SGMS1: variants seen among roughly 807,000 people sequenced by gnomAD.
SGMS1 encodes phosphatidylcholine:ceramide cholinephosphotransferase 1.
Under a neutral mutation model 46.2 loss-of-function variants are expected in SGMS1, and 13 were observed. The ratio of observed to expected loss-of-function variants is 0.28; its 90% confidence interval spans 0.18 to 0.45. The LOEUF (loss-of-function observed/expected upper bound fraction) is 0.45. Among genes scored for constraint, SGMS1 ranks in the 20% least tolerant of loss-of-function variants. SGMS1 has a pLI of 1.00. For missense variants in SGMS1, 324 were observed against 519.9 expected (o/e 0.62, Z 3.66); for synonymous variants, 203 against 187.8 (o/e 1.08, Z -0.66).
chr10:50,421,596 AAC>A (rs1849255054), intron 6 of SGMS1, among the ~76,000 whole-genome samples: 1 of 152,164 alleles, frequency 6.6e-6, no homozygotes. Context: ...GACCTCCTGG[AAC>A]TAGCACCTGC....
chr10:50,563,142 G>C (rs747945949), intron 2 of SGMS1, among the ~76,000 whole-genome samples: 1 of 152,178 alleles, frequency 6.6e-6, no homozygotes, highest in Non-Finnish European at 1.5e-5. Flanking sequence ...CTTCCTGTTA[G>C]GCACTCTGCA....
At chr10:50,470,735 CA>C (rs1202586924) in intron 3 of SGMS1, among the ~76,000 whole-genome samples, 4 of 152,080 alleles carry the variant, frequency 2.6e-5, no homozygotes, top group Non-Finnish European at 5.9e-5. Context: ...CCTCAATTTA[CA>C]GCCAAGCATG....
rs76263175 is a variant in SGMS1 at position 50,395,087 on chromosome 10, C to T, written c.-232+38389G>A. 4.2e-3 allele frequency among the ~76,000 whole-genome samples: 645 copies of T among 152,248 alleles called. 15 individuals are homozygous for T. The East Asian group carries it at 0.06, about 14-fold the overall frequency. On this transcript the variant is annotated intron_variant, in intron 6 of 10. Coordinates refer to ENST00000361781, the MANE Select transcript of SGMS1 (RefSeq NM_147156.4). Reference sequence around the variant, plus strand: ...CTTGTCCCTTTAACAAGAGCAACATCAAGCCCCTGAGGGTGATAAATCAAT... The same window carrying T: ...CTTGTCCCTTTAACAAGAGCAACATTAAGCCCCTGAGGGTGATAAATCAAT...
chr10:50,454,011 A>T (rs1040257226), intron 5 of SGMS1, among the ~76,000 whole-genome samples: 1 of 145,166 alleles, frequency 6.9e-6, no homozygotes, highest in Admixed American at 7.3e-5. Flanking sequence ...AGAAGAGATG[A>T]TCTATTCATA....
intron 3 of SGMS1, among the ~76,000 whole-genome samples, chr10:50,487,135 C>A (rs1837527737): frequency 6.6e-6 from 1 of 152,034 alleles, no homozygotes; most frequent in Non-Finnish European, 1.5e-5. Flanking sequence ...TAGTGGGGAA[C>A]AACAGACACC....
chr10:50,604,570 C>T (rs1334869581), intron 1 of SGMS1, among the ~76,000 whole-genome samples: 1 of 152,166 alleles, frequency 6.6e-6, no homozygotes, highest in African/African-American at 2.4e-5. Context: ...TTGATTACAT[C>T]TTGCATGCTG....
At chr10:50,611,527 G>A (rs767367689) in intron 1 of SGMS1, among the ~76,000 whole-genome samples, 1 of 152,134 alleles carries the variant, frequency 6.6e-6, no homozygotes, top group Non-Finnish European at 1.5e-5. Context: ...TCTTACAAAT[G>A]GCTCAGAAAT....
At chr10:50,383,098 T>C (rs1848631399) in intron 6 of SGMS1, among the ~76,000 whole-genome samples, 1 of 152,212 alleles carries the variant, frequency 6.6e-6, no homozygotes, top group South Asian at 2.1e-4. Flanking sequence ...AAAGACTTTA[T>C]AAGATTATCA....
chr10:50,512,159 A>G (rs1837761735), intron 3 of SGMS1, among the ~76,000 whole-genome samples: 1 of 152,184 alleles, frequency 6.6e-6, no homozygotes, highest in South Asian at 2.1e-4. Context: ...AGCATACCAC[A>G]GAGTAGCTGA....
At chr10:50,580,695 G>A (rs1199667577) in intron 2 of SGMS1, among the ~76,000 whole-genome samples, 1 of 152,144 alleles carries the variant, frequency 6.6e-6, no homozygotes, top group Non-Finnish European at 1.5e-5. Context: ...CCTAGACAAA[G>A]TATGCGAAGT....
chr10:50,399,294 A>C (rs980647187), intron 6 of SGMS1, among the ~76,000 whole-genome samples: 1 of 152,206 alleles, frequency 6.6e-6, no homozygotes, highest in Non-Finnish European at 1.5e-5. Context: ...TAATAATCTG[A>C]ATTTCAAAAC....
intron 2 of SGMS1, among the ~76,000 whole-genome samples, chr10:50,542,546 A>G (rs1838062776): frequency 3.3e-5 from 5 of 151,844 alleles, no homozygotes; most frequent in Middle Eastern, 6.8e-3. Context: ...TATGAATAAC[A>G]TAAGTCCAAA....
At chr10:50,503,476 A>G (rs931673262) in intron 3 of SGMS1, among the ~76,000 whole-genome samples, 5 of 152,022 alleles carry the variant, frequency 3.3e-5, no homozygotes, top group Admixed American at 1.3e-4. Flanking sequence ...CAGGCTCTAA[A>G]GCTCCCCTAC....
chr10:50,346,274 T>G (rs1446356824), intron 6 of SGMS1, among the ~76,000 whole-genome samples: 1 of 152,216 alleles, frequency 6.6e-6, no homozygotes, highest in African/African-American at 2.4e-5. Flanking sequence ...TTCAGATGGG[T>G]CTTTGGGTAC....
intron 2 of SGMS1, among the ~76,000 whole-genome samples, chr10:50,589,850 T>C (rs1324136049): frequency 6.6e-6 from 1 of 152,230 alleles, no homozygotes; most frequent in Non-Finnish European, 1.5e-5. Context: ...AGTACAAAAC[T>C]ATAAATTTAA....
At chr10:50,387,672 T>A (rs559655812) in intron 6 of SGMS1, among the ~76,000 whole-genome samples, 7 of 152,330 alleles carry the variant, frequency 4.6e-5, no homozygotes, top group African/African-American at 1.7e-4. Context: ...GGCAGATTCA[T>A]AGGTATTGTA....
chr10:50,624,654 G>C (rs1838901488), upstream of SGMS1: 3 of 985,346 alleles, frequency 3.0e-6, no homozygotes, highest in Non-Finnish European at 3.6e-6. Context: ...AGAGCGGCTA[G>C]GCCGGGGTCG....
chr10:50,604,699 G>A (rs1396600282), intron 1 of SGMS1, among the ~76,000 whole-genome samples: 1 of 152,092 alleles, frequency 6.6e-6, no homozygotes, highest in African/African-American at 2.4e-5. Flanking sequence ...CTTTGTTCCA[G>A]AGGTCACCTA....
intron 2 of SGMS1, among the ~76,000 whole-genome samples, chr10:50,547,745 A>C (rs1564429042): frequency 6.6e-6 from 1 of 152,202 alleles, no homozygotes; most frequent in Non-Finnish European, 1.5e-5. Context: ...ACAAAAAAAG[A>C]AACCTTCAGG....
Sources: gnomAD v4.1 joint callset for allele counts (sites outside exome capture counted in the v4.1 genomes callset) on GRCh38, gnomAD v4.1.1 for gene constraint, MANE v1.5 for transcripts, NCBI Gene and HGNC (gene_info 2026-07-23, HGNC 2026-07-21) for gene names.